Variants in XKR6 observed in about 807,000 individuals in gnomAD.
XKR6 encodes the protein XK-related protein 6.
Under a neutral mutation model 56.7 loss-of-function variants are expected in XKR6, and 22 were observed. The ratio of observed to expected loss-of-function variants is 0.39; its 90% CI spans 0.28 to 0.55. XKR6 has a LOEUF of 0.55. Among genes scored for constraint, XKR6 ranks in the 20% least tolerant of loss-of-function variants. XKR6 has a pLI of 0.66. For synonymous variants in XKR6, 524 were observed against 387.8 expected (o/e 1.35, Z -4.13); for missense variants, 852 against 889.0 (o/e 0.96, Z 0.53).
At chr8:10,970,242 T>A (rs1042544054) in intron 1 of XKR6, among the ~76,000 whole-genome samples, 4 of 152,170 alleles carry the variant, frequency 2.6e-5, no homozygotes, top group Admixed American at 2.0e-4. Flanking sequence ...ATATCTGCCA[T>A]CCAAGAGGAC....
chr8:11,201,007 C>T lies in XKR6; in HGVS notation c.333G>A (p.Ser111=). ...GCGGCGGCGGCTCCGGCCGCGCGGC[C>T]GAGGGCGTCGGGGGTTGGCGGCCGG... ...PGAGRQPPTP[S]AARPEPPPPQ... The change falls in exon 1 of 3, where the codon TCG becomes TCA. Residue 111 remains serine (S), a synonymous_variant. Coordinates refer to ENST00000416569, the MANE Select transcript of XKR6 (RefSeq NM_173683.4). 7.3e-7 allele frequency: 1 copy of T among 1,378,120 alleles called. No individual in the cohort carries two copies. The highest frequency in any genetic ancestry group is 1.7e-5 in the South Asian group (1 of 58,652). The allele number at this position is 1,378,120 out of a possible 1,614,324, so 85.4% of individuals were successfully genotyped here. A position where few individuals can be genotyped will look rare whatever the true frequency, so the allele number is the denominator to read the frequency against.
At chr8:11,178,570 A>G (rs1053968364) in intron 1 of XKR6, among the ~76,000 whole-genome samples, 19 of 142,544 alleles carry the variant, frequency 1.3e-4, no homozygotes, top group African/African-American at 3.1e-4. Flanking sequence ...ATATATATAT[A>G]TATGTATATA....
intron 1 of XKR6, among the ~76,000 whole-genome samples, chr8:11,056,871 G>A (rs1315286650): frequency 6.6e-6 from 1 of 152,126 alleles, no homozygotes; most frequent in Non-Finnish European, 1.5e-5. Flanking sequence ...CAGCTCTCTT[G>A]GCCCCTTTCA....
intron 1 of XKR6, chr8:11,194,912 A>G (rs1803788159): frequency 1.9e-6 from 1 of 535,260 alleles, no homozygotes; most frequent in Non-Finnish European, 3.3e-6. Flanking sequence ...CTGCATCCCC[A>G]GTTGCAATTT....
At position 10,985,570 on chromosome 8, in the gene XKR6, G is replaced by C. The variant is rs548810383; in HGVS notation, c.765-60740C>G. On this transcript the variant is annotated intron_variant, in intron 1 of 2. Coordinates refer to ENST00000416569, the MANE Select transcript of XKR6 (RefSeq NM_173683.4). ...AAAATTACCAAAACTTACTCTTGCT[G>C]ATGACAGAATTCTACCATCTTTTGG... 5.4e-5 allele frequency among the ~76,000 whole-genome samples: 8 copies of C among 147,288 alleles called. No individual in the cohort carries two copies. In the East Asian group the frequency reaches 1.6e-3, roughly 29 times the overall value.
chr8:11,024,204 GGTGTGTGTGTGTGTGT>G (rs61021720), intron 1 of XKR6, among the ~76,000 whole-genome samples: 10,700 of 136,854 alleles, frequency 0.078, 1,291 homozygotes, highest in African/African-American at 0.27. Context: ...CCTGTTAGGA[GGTGTGTGTGTGTGTGT>G]GTGTGTGTGT....
chr8:10,993,297 C>G (rs562645175), intron 1 of XKR6, among the ~76,000 whole-genome samples: 3 of 152,236 alleles, frequency 2.0e-5, no homozygotes, highest in Non-Finnish European at 4.4e-5. Flanking sequence ...CCACTTGCAG[C>G]AGCGGCCCTG....
intron 1 of XKR6, among the ~76,000 whole-genome samples, chr8:10,963,701 T>G (rs1802132719): frequency 6.6e-6 from 1 of 151,944 alleles, no homozygotes. Flanking sequence ...AATGCCATCA[T>G]GCCTGGCTAA....
chr8:11,126,429 T>C lies in XKR6; in HGVS notation c.764+74147A>G, dbSNP rs575796068. ...ACATTTTCTTATGCTACATTTTATC[T>C]TGTTTTTGGCCTACTACTCAGTTCT... On this transcript the variant is annotated intron_variant, in intron 1 of 2. Coordinates refer to ENST00000416569, the MANE Select transcript of XKR6 (RefSeq NM_173683.4). Among the ~76,000 whole-genome samples the C allele has an allele frequency of 8.5e-5, 13 of 152,328 alleles. No homozygotes were observed. In the South Asian group the frequency reaches 2.5e-3, roughly 29 times the overall value.
chr8:11,117,149 A>C (rs1228728934), intron 1 of XKR6, among the ~76,000 whole-genome samples: 3 of 152,228 alleles, frequency 2.0e-5, no homozygotes, highest in African/African-American at 7.2e-5. Flanking sequence ...TTTTCATGAA[A>C]AACTGTTTCC....
intron 1 of XKR6, among the ~76,000 whole-genome samples, chr8:11,172,846 T>C (rs1013924652): frequency 6.6e-6 from 1 of 152,112 alleles, no homozygotes; most frequent in African/African-American, 2.4e-5. Context: ...CTACAGAAGA[T>C]TCACGGGGAA....
chr8:11,023,372 A>G (rs1208368819), intron 1 of XKR6, among the ~76,000 whole-genome samples: 2 of 152,150 alleles, frequency 1.3e-5, no homozygotes, highest in African/African-American at 4.8e-5. Context: ...ACAGCAAGAA[A>G]TCCTCTAACC....
At chr8:10,965,913 A>G (rs1196134844) in intron 1 of XKR6, among the ~76,000 whole-genome samples, 1 of 152,206 alleles carries the variant, frequency 6.6e-6, no homozygotes, top group East Asian at 1.9e-4. Flanking sequence ...CTGGGAACCA[A>G]AAAACGGCCT....
intron 2 of XKR6, among the ~76,000 whole-genome samples, chr8:10,922,539 GAATC>G (rs766007755): frequency 1.3e-5 from 2 of 152,218 alleles, no homozygotes; most frequent in African/African-American, 4.8e-5. Context: ...TCTTGCTCCA[GAATC>G]AATCATCATG....
At chr8:11,158,123 T>TG (rs1279254128) in intron 1 of XKR6, among the ~76,000 whole-genome samples, 1 of 152,108 alleles carries the variant, frequency 6.6e-6, no homozygotes, top group Non-Finnish European at 1.5e-5. Context: ...TCAAGCATGG[T>TG]GTTGTGCCAG....
intron 1 of XKR6, among the ~76,000 whole-genome samples, chr8:11,014,707 C>T (rs1798579470): frequency 6.6e-6 from 1 of 152,138 alleles, no homozygotes; most frequent in Non-Finnish European, 1.5e-5. Flanking sequence ...TGGGTAGCAG[C>T]GTGGATCCTC....
intron 1 of XKR6, among the ~76,000 whole-genome samples, chr8:11,015,108 G>C (rs1798588295): frequency 6.6e-6 from 1 of 152,130 alleles, no homozygotes; most frequent in South Asian, 2.1e-4. Flanking sequence ...ACCTGGGTTG[G>C]GAGGAGGCGC....
intron 1 of XKR6, among the ~76,000 whole-genome samples, chr8:11,165,908 A>G (rs528633669): frequency 1.3e-4 from 19 of 151,596 alleles, no homozygotes; most frequent in African/African-American, 4.4e-4. Flanking sequence ...ACGTGCAATG[A>G]CCACTGTTTG....
At chr8:10,967,655 G>A (rs544296530) in intron 1 of XKR6, among the ~76,000 whole-genome samples, 22 of 152,332 alleles carry the variant, frequency 1.4e-4, no homozygotes, top group Middle Eastern at 3.4e-3. Context: ...GGGTTGTCCT[G>A]GAGCAGCAAG....
Sources: gnomAD v4.1 joint callset for allele counts (sites outside exome capture counted in the v4.1 genomes callset) on GRCh38, gnomAD v4.1.1 for gene constraint, MANE v1.5 for transcripts, NCBI Gene and HGNC (gene_info 2026-07-23, HGNC 2026-07-21) for gene names.